The following RBFOX1 variants were observed in gnomAD, a reference collection of about 807,000 sequenced individuals.
RBFOX1 encodes RNA binding protein fox-1 homolog 1.
A neutral mutation model predicts 57.7 loss-of-function variants in RBFOX1; 8 were observed. The observed-to-expected ratio is 0.14, with a 90% CI of 0.08 to 0.25. The LOEUF (loss-of-function observed/expected upper bound fraction) is 0.25. RBFOX1 is among the 10% of genes least tolerant of loss of function. The pLI, the probability that RBFOX1 is intolerant of heterozygous loss-of-function variation, is 1.00. For missense variants in RBFOX1, 611 were observed against 548.5 expected, an observed-to-expected ratio of 1.11 and a Z score of -1.14; for synonymous variants, 326 against 222.4, an observed-to-expected ratio of 1.47 and a Z score of -4.15.
At chr16:6,108,146 A>T (rs1033121879) in intron 1 of RBFOX1, among the ~76,000 whole-genome samples, 2 of 152,206 alleles carry the variant, frequency 1.3e-5, no homozygotes, top group African/African-American at 2.4e-5. Flanking sequence ...ATGACTAGGA[A>T]TGTATTTTAA....
chr16:6,649,322 T>G (rs905702489), intron 2 of RBFOX1, among the ~76,000 whole-genome samples: 2 of 152,212 alleles, frequency 1.3e-5, no homozygotes, highest in Admixed American at 6.5e-5. Flanking sequence ...ATATACCACA[T>G]TTGCTTTATG....
At chr16:6,253,014 C>T (rs142772932) in intron 1 of RBFOX1, among the ~76,000 whole-genome samples, 1 of 152,082 alleles carries the variant, frequency 6.6e-6, no homozygotes, top group African/African-American at 2.4e-5. Flanking sequence ...CTATTATAAT[C>T]CACTTTTACA....
chr16:5,933,421 C>T (rs537382116), intron 4 of RBFOX1, among the ~76,000 whole-genome samples: 1 of 152,234 alleles, frequency 6.6e-6, no homozygotes, highest in South Asian at 2.1e-4. Context: ...AGAGTGGCTC[C>T]GACATGTCAG....
At chr16:5,762,346 C>T (rs1324954716) in intron 3 of RBFOX1, among the ~76,000 whole-genome samples, 7 of 55,466 alleles carry the variant, frequency 1.3e-4, no homozygotes, top group Non-Finnish European at 1.8e-4. Context: ...AGGCAGAAAA[C>T]GAACAAAAAG....
At chr16:6,974,576 C>A (rs1355654901) in intron 3 of RBFOX1, among the ~76,000 whole-genome samples, 1 of 151,980 alleles carries the variant, frequency 6.6e-6, no homozygotes, top group Non-Finnish European at 1.5e-5. Context: ...ATCTCCTGAC[C>A]TCAGGTGATC....
At chr16:5,775,616 C>T (rs770228236) in intron 3 of RBFOX1, among the ~76,000 whole-genome samples, 3 of 152,198 alleles carry the variant, frequency 2.0e-5, no homozygotes, top group Non-Finnish European at 4.4e-5. Context: ...ACCTCTTTCC[C>T]TTGTCTCTGT....
At chr16:6,656,900 CA>C (rs2098658390) in intron 3 of RBFOX1, among the ~76,000 whole-genome samples, 3 of 98,062 alleles carry the variant, frequency 3.1e-5, no homozygotes, top group Admixed American at 1.2e-4. Context: ...CTCCTCCCCT[CA>C]ACTCTCCTCT....
chr16:5,304,524 G>T (rs191106173), intron 1 of RBFOX1, among the ~76,000 whole-genome samples: 1 of 152,170 alleles, frequency 6.6e-6, no homozygotes, highest in Non-Finnish European at 1.5e-5. Context: ...TCTCAGTGCG[G>T]CAGAAAGCCA....
intron 1 of RBFOX1, among the ~76,000 whole-genome samples, chr16:6,300,020 G>GGACATTCTGTCATTTGTGACAAC (rs1419716336): frequency 6.6e-6 from 1 of 152,098 alleles, no homozygotes; most frequent in African/African-American, 2.4e-5. Context: ...CAAAAGACAA[G>GGACATTCTGTCATTTGTGACAAC]GACATTCTGT....
chr16:5,613,700 G>A (rs1165306680), intron 3 of RBFOX1, among the ~76,000 whole-genome samples: 1 of 152,184 alleles, frequency 6.6e-6, no homozygotes, highest in African/African-American at 2.4e-5. Flanking sequence ...CCATCACTGA[G>A]TGGAAAGCTC....
At chr16:5,880,588 A>C (rs948427229) in intron 4 of RBFOX1, among the ~76,000 whole-genome samples, 1 of 152,194 alleles carries the variant, frequency 6.6e-6, no homozygotes, top group African/African-American at 2.4e-5. Flanking sequence ...TAGGAGGCTA[A>C]AGACCTGCTA....
intron 4 of RBFOX1, among the ~76,000 whole-genome samples, chr16:7,093,551 T>C (rs1291199897): frequency 2.0e-5 from 3 of 152,186 alleles, no homozygotes; most frequent in African/African-American, 7.2e-5. Context: ...GGCAGAGGAA[T>C]GATGATGGAC....
rs1567592071 is a variant in RBFOX1 at position 6,859,129 on chromosome 16, A to ATATATGTATATATATATG, written c.-15-192928_-15-192927insTATATGTATATATATATG. Among the ~76,000 whole-genome samples, 340 of 75,582 alleles carry ATATATGTATATATATATG rather than the reference A, an allele frequency of 4.5e-3. 8 individuals are homozygous for ATATATGTATATATATATG. Among genetic ancestry groups the ATATATGTATATATATATG allele is most frequent in the African/African-American group, 0.026 (322 of 12,190 alleles). 49.6% of individuals were successfully genotyped at this position (75,582 alleles called of 152,430 possible). On this transcript the variant is annotated intron_variant, in intron 3 of 15. Transcript: ENST00000550418. ...AAAAAGTGTATATATATATATATATACATATATATACGTATATATATATGT... is the reference window on the plus strand; with the variant it reads ...AAAAAGTGTATATATATATATATATATATATGTATATATATATGCATATATATACGTATATATATATGT...
intron 14 of RBFOX1, among the ~76,000 whole-genome samples, chr16:7,677,877 C>T (rs2073806413): frequency 6.6e-6 from 1 of 152,194 alleles, no homozygotes; most frequent in South Asian, 2.1e-4. Flanking sequence ...GCCTCTGGTC[C>T]TCCTACCTGG....
At chr16:6,255,365 GA>G (rs2097654016) in intron 1 of RBFOX1, among the ~76,000 whole-genome samples, 1 of 152,120 alleles carries the variant, frequency 6.6e-6, no homozygotes, top group African/African-American at 2.4e-5. Context: ...GATGAGATGC[GA>G]AAGGATGGCT....
intron 4 of RBFOX1, among the ~76,000 whole-genome samples, chr16:7,515,994 G>A (rs2076272487): frequency 6.6e-6 from 1 of 152,094 alleles, no homozygotes; most frequent in African/African-American, 2.4e-5. Flanking sequence ...ACAGGCATGT[G>A]CCACCATGCC....
At chr16:7,378,384 G>T (rs1177684231) in intron 4 of RBFOX1, among the ~76,000 whole-genome samples, 1 of 152,118 alleles carries the variant, frequency 6.6e-6, no homozygotes, top group Non-Finnish European at 1.5e-5. Flanking sequence ...ACGAAACCAA[G>T]CCCCCTGGAG....
intron 3 of RBFOX1, among the ~76,000 whole-genome samples, chr16:6,946,509 A>C (rs994974558): frequency 1.3e-5 from 2 of 152,148 alleles, no homozygotes; most frequent in Non-Finnish European, 2.9e-5. Flanking sequence ...CTTGTTTTAC[A>C]TCTCCCATCC....
intron 3 of RBFOX1, among the ~76,000 whole-genome samples, chr16:6,800,909 G>A (rs1340761448): frequency 6.6e-6 from 1 of 152,062 alleles, no homozygotes; most frequent in Admixed American, 6.6e-5. Flanking sequence ...TGGAAATCTG[G>A]AAACTAGTTT....
Sources: allele counts gnomAD v4.1 joint callset (sites outside exome capture counted in the v4.1 genomes callset), GRCh38; gene constraint gnomAD v4.1.1; transcripts MANE v1.5; gene names NCBI Gene and HGNC (gene_info 2026-07-23, HGNC 2026-07-21).